The following KDM4B variants were observed in gnomAD, a reference collection of about 807,000 sequenced individuals.
The protein encoded by KDM4B is lysine demethylase 4B.
In KDM4B, 32 loss-of-function variants were observed where a neutral mutation model predicts 125.2. That is an observed-to-expected ratio of 0.26 (90% CI 0.19 to 0.34). The LOEUF is 0.34. Ranked by LOEUF, KDM4B falls within the 10% of genes least tolerant of loss-of-function variation. The pLI, the probability that KDM4B is intolerant of heterozygous loss-of-function variation, is 1.00. For synonymous variants in KDM4B, 721 were observed against 677.9 expected, an observed-to-expected ratio of 1.06 and a Z score of -0.99; for missense variants, 1,190 against 1,577.7, an observed-to-expected ratio of 0.75 and a Z score of 4.16.
At chr19:4,984,012 A>T (rs1331175333) in intron 1 of KDM4B, among the ~76,000 whole-genome samples, 2 of 152,198 alleles carry the variant, frequency 1.3e-5, no homozygotes, top group Admixed American at 1.3e-4. Context: ...CCCCAGGGGC[A>T]ATTCTGTCTC....
intron 1 of KDM4B, among the ~76,000 whole-genome samples, chr19:5,001,516 C>T (rs189455716): frequency 1.4e-4 from 22 of 152,318 alleles, no homozygotes; most frequent in African/African-American, 5.1e-4. Context: ...TTTCCAGGCT[C>T]TTACGGTGGC....
chr19:5,026,795 G>T (rs938869826), intron 2 of KDM4B, among the ~76,000 whole-genome samples: 1 of 152,204 alleles, frequency 6.6e-6, no homozygotes, highest in Non-Finnish European at 1.5e-5. Context: ...TACTGGCATG[G>T]TACCAAGAGA....
At chr19:5,052,323 T>G (rs1212862683) in intron 6 of KDM4B, among the ~76,000 whole-genome samples, 1 of 134,092 alleles carries the variant, frequency 7.5e-6, no homozygotes, top group Non-Finnish European at 1.6e-5. Context: ...TGGGCGCATG[T>G]GTGCACCGAG....
chr19:4,977,381 GC>G (rs1298610175), intron 1 of KDM4B, among the ~76,000 whole-genome samples: 1 of 152,122 alleles, frequency 6.6e-6, no homozygotes, highest in Non-Finnish European at 1.5e-5. Context: ...GGCCCCGTTT[GC>G]TGGTAGGCGC....
chr19:5,051,081 G>A (rs907803479), intron 6 of KDM4B, among the ~76,000 whole-genome samples: 2 of 152,062 alleles, frequency 1.3e-5, no homozygotes, highest in East Asian at 1.9e-4. Context: ...GGCCAGGCAC[G>A]AAACACAGGC....
At chr19:5,042,134 A>G (rs2036839482) in intron 5 of KDM4B, among the ~76,000 whole-genome samples, 1 of 152,160 alleles carries the variant, frequency 6.6e-6, no homozygotes, top group Non-Finnish European at 1.5e-5. Flanking sequence ...TTTTTTGAAT[A>G]TTTGCATATA....
intron 6 of KDM4B, among the ~76,000 whole-genome samples, chr19:5,059,458 G>A (rs1395408190): frequency 2.6e-5 from 4 of 152,332 alleles, no homozygotes; most frequent in Admixed American, 2.6e-4. Context: ...CTTAACCCGT[G>A]TGTGAGCCAA....
chr19:4,982,681 C>T (rs911707984), intron 1 of KDM4B, among the ~76,000 whole-genome samples: 23 of 151,618 alleles, frequency 1.5e-4, no homozygotes, highest in South Asian at 2.1e-4. Context: ...GGCGAGATCT[C>T]GGCTCACTGC....
At position 5,101,187 on chromosome 19, in the gene KDM4B, G is replaced by A. The variant is rs183185653; in HGVS notation, c.919-9435G>A. Among the ~76,000 whole-genome samples the A allele has an allele frequency of 3.3e-4, 46 of 138,518 alleles. No individual in the cohort carries two copies. The East Asian group carries it at 7.1e-3, about 21-fold the overall frequency. 90.9% of individuals were successfully genotyped at this position (138,518 alleles called of 152,430 possible). A position where few individuals can be genotyped will look rare whatever the true frequency, so the allele number is the denominator to read the frequency against. On this transcript the variant is annotated intron_variant, in intron 9 of 22. Transcript: ENST00000159111. Reference sequence around the variant, plus strand: ...CAGTGAACCGAGGTTGTGCCATTGCGCTCCAACCTGGGCAACAAGAGCAAG... The same window carrying A: ...CAGTGAACCGAGGTTGTGCCATTGCACTCCAACCTGGGCAACAAGAGCAAG...
chr19:5,000,850 G>C (rs1425002232), intron 1 of KDM4B, among the ~76,000 whole-genome samples: 1 of 152,104 alleles, frequency 6.6e-6, no homozygotes, highest in Admixed American at 6.6e-5. Flanking sequence ...GTGATGTAGT[G>C]TATAGAACAT....
At chr19:5,033,080 G>C in intron 3 of KDM4B, 49 bp downstream of exon 3, 5 of 1,592,494 alleles carry the variant, frequency 3.1e-6, no homozygotes, top group Non-Finnish European at 3.4e-6. Flanking sequence ...CCTGCGCCGC[G>C]GGCCTGCGGA....
chr19:5,137,389 G>A (rs777478561), intron 16 of KDM4B, 51 bp downstream of exon 16: 1 of 1,502,020 alleles, frequency 6.7e-7, no homozygotes, highest in South Asian at 1.2e-5. Context: ...CTGGGCCCCG[G>A]CCCCACTCCA....
chr19:5,048,445 G>A lies in KDM4B; in HGVS notation c.626+776G>A, dbSNP rs575288162. ...GGCTGCCCTGCACTGTCCTCCAAGG[G>A]CCGCTAGGTGGCGCTCCCGCCCTTC... On this transcript the variant is annotated intron_variant, in intron 6 of 22. Transcript: ENST00000159111. Among the ~76,000 whole-genome samples the A allele has an allele frequency of 2.0e-5, 3 of 152,328 alleles. No homozygotes were observed. In the East Asian group the frequency reaches 5.8e-4, roughly 30 times the overall value.
chr19:5,072,906 G>A lies in KDM4B; in HGVS notation c.676+1847G>A, dbSNP rs144199950. Among the ~76,000 whole-genome samples, 13 of 152,172 alleles carry A rather than the reference G, an allele frequency of 8.5e-5. No homozygotes were observed. In the East Asian group the frequency reaches 1.9e-3, roughly 23 times the overall value. Reference sequence around the variant, plus strand: ...TTGGCTCGGTCCCAGGGGAGAACCCGTTTCTGCCTTCCCTTCTCCAGCATC... The same window carrying A: ...TTGGCTCGGTCCCAGGGGAGAACCCATTTCTGCCTTCCCTTCTCCAGCATC... On this transcript the variant is annotated intron_variant, in intron 7 of 22. Transcript: ENST00000159111.
At chr19:5,033,849 G>T (rs551341748) in intron 3 of KDM4B, among the ~76,000 whole-genome samples, 1 of 151,850 alleles carries the variant, frequency 6.6e-6, no homozygotes, top group African/African-American at 2.4e-5. Context: ...CATTCTGCTC[G>T]TCTGGGCATG....
At chr19:5,038,790 G>A (rs763789022) in intron 3 of KDM4B, among the ~76,000 whole-genome samples, 7 of 152,216 alleles carry the variant, frequency 4.6e-5, no homozygotes, top group African/African-American at 9.6e-5. Context: ...GCCCCAGCAC[G>A]CTCTGCACAG....
At position 5,078,931 on chromosome 19, in the gene KDM4B, A is replaced by G. The variant is rs1027384140; in HGVS notation, c.780+1461A>G. 2.0e-5 allele frequency: 3 copies of G among 152,132 alleles called. No individual in the cohort carries two copies. Among genetic ancestry groups the G allele is most frequent in the Admixed American group, 2.0e-4 (3 of 15,280 alleles). 9.4% of individuals were successfully genotyped at this position (152,132 alleles called of 1,614,324 possible). On this transcript the variant is annotated intron_variant, in intron 8 of 22. Coordinates refer to ENST00000159111, the MANE Select transcript of KDM4B (RefSeq NM_015015.3). The surrounding 1 kb of genome is among the most constrained non-coding windows in gnomAD (Gnocchi z 4.5). ...GAAGGCCCCTGTCCCACTGCAGCGA[A>G]CAGCACCCTGTGCCGCCCGGCCTGG...
At chr19:5,004,420 C>T (rs763672288) in intron 1 of KDM4B, among the ~76,000 whole-genome samples, 1 of 152,216 alleles carries the variant, frequency 6.6e-6, no homozygotes, top group African/African-American at 2.4e-5. Flanking sequence ...CCTTCTCAGC[C>T]CTTGCTGCCC....
At chr19:5,034,075 A>G (rs922464042) in intron 3 of KDM4B, among the ~76,000 whole-genome samples, 1 of 152,232 alleles carries the variant, frequency 6.6e-6, no homozygotes, top group African/African-American at 2.4e-5. Flanking sequence ...TTGAGGCTGC[A>G]GTGAGCTGAG....
Sources: allele counts gnomAD v4.1 joint callset (sites outside exome capture counted in the v4.1 genomes callset), GRCh38; gene constraint gnomAD v4.1.1; non-coding constraint Gnocchi (gnomAD v3.1); transcripts MANE v1.5; gene names NCBI Gene and HGNC (gene_info 2026-07-23, HGNC 2026-07-21).